Variants in ETFBKMT observed in about 807,000 individuals in gnomAD.
The protein encoded by ETFBKMT is electron transfer flavoprotein subunit beta lysine methyltransferase, also known as electron transfer flavoprotein beta subunit lysine methyltransferase.
Under a neutral mutation model 18.3 loss-of-function variants are expected in ETFBKMT, and 13 were observed. The ratio of observed to expected loss-of-function variants is 0.71; its 90% CI spans 0.46 to 1.13. ETFBKMT has a LOEUF of 1.13. Among genes scored for constraint, ETFBKMT ranks in the 50% most tolerant of loss-of-function variants. The pLI is 0.00. For missense variants in ETFBKMT, 293 were observed against 306.2 expected, an observed-to-expected ratio of 0.96 and a Z score of 0.32; for synonymous variants, 84 against 107.9, an observed-to-expected ratio of 0.78 and a Z score of 1.37.
At chr12:31,667,242 G>A (rs1206507841) in intron 3 of ETFBKMT, among the ~76,000 whole-genome samples, 4 of 152,258 alleles carry the variant, frequency 2.6e-5, no homozygotes, top group South Asian at 4.1e-4. Flanking sequence ...TGATCCACCC[G>A]CCTCGGCCTC....
At chr12:31,654,670 C>G (rs896717919), upstream of ETFBKMT, among the ~76,000 whole-genome samples, 1 of 151,998 alleles carries the variant, frequency 6.6e-6, no homozygotes, top group Non-Finnish European at 1.5e-5. Flanking sequence ...AGACAAAAAC[C>G]GTATAAACTC....
intron 1 of ETFBKMT, among the ~76,000 whole-genome samples, chr12:31,652,889 G>C (rs756855082): frequency 6.6e-6 from 1 of 152,206 alleles, no homozygotes; most frequent in Non-Finnish European, 1.5e-5. Context: ...CCAATGATAA[G>C]TATTTCCATC....
At chr12:31,651,631 C>T (rs577293263) in intron 1 of ETFBKMT, among the ~76,000 whole-genome samples, 6 of 152,176 alleles carry the variant, frequency 3.9e-5, no homozygotes, top group Non-Finnish European at 7.4e-5. Flanking sequence ...CGCGCCCGGC[C>T]GATGCCTTCC....
At position 31,668,789 on chromosome 12, in the gene ETFBKMT, G is replaced by C. The variant is rs1951230877; in HGVS notation, c.*799G>C. On this transcript the variant is annotated 3_prime_UTR_variant, in exon 4 of 4. Coordinates refer to ENST00000357721, the MANE Select transcript of ETFBKMT (RefSeq NM_001135863.2). ...ATTACAGGTGTGAGCCACCACGCCA[G>C]CCTGACGATGTTTTTTACTTCTATC... 1 of 152,206 alleles carries C rather than the reference G, an allele frequency of 6.6e-6. No homozygotes were observed. Among genetic ancestry groups the C allele is most frequent in the Non-Finnish European group, 1.5e-5 (1 of 68,048 alleles). 9.4% of individuals were successfully genotyped at this position (152,206 alleles called of 1,614,324 possible).
Position 31,669,688 on chromosome 12 carries a change from A to G in ETFBKMT, c.*1698A>G, listed in dbSNP as rs1392267461. On this transcript the variant is annotated 3_prime_UTR_variant, in exon 4 of 4. Coordinates refer to ENST00000357721, the MANE Select transcript of ETFBKMT (RefSeq NM_001135863.2). ...CCTGGAGTTTGTTTGTTTTAATTTAACAAAGTTTAATTGAGCAAAGAACAA... is the reference window on the plus strand; with the variant it reads ...CCTGGAGTTTGTTTGTTTTAATTTAGCAAAGTTTAATTGAGCAAAGAACAA... 6.6e-6 allele frequency: 1 copy of G among 152,220 alleles called. No individual in the cohort carries two copies. The highest frequency in any genetic ancestry group is 1.5e-5 in the Non-Finnish European group (1 of 68,052). 9.4% of individuals were successfully genotyped at this position (152,220 alleles called of 1,614,324 possible).
intron 2 of ETFBKMT, 57 bp from the exon 3 acceptor site, chr12:31,666,030 T>G (rs1951189823): frequency 1.6e-5 from 25 of 1,520,016 alleles, no homozygotes; most frequent in Non-Finnish European, 2.0e-5. Context: ...GGGGGGCCTG[T>G]TCCCAACATT....
chr12:31,654,976 AACCC>A (rs1408525097), upstream of ETFBKMT, among the ~76,000 whole-genome samples: 1 of 151,956 alleles, frequency 6.6e-6, no homozygotes, highest in Admixed American at 6.6e-5. Flanking sequence ...GAATTGCTTG[AACCC>A]GGGAGGAGAA....
upstream of ETFBKMT, among the ~76,000 whole-genome samples, chr12:31,658,495 T>C (rs554535914): frequency 2.9e-4 from 44 of 152,208 alleles, no homozygotes; most frequent in Non-Finnish European, 6.3e-4. Context: ...TTCCTTTCCT[T>C]GTAGTAGTTC....
chr12:31,667,647 T>C lies in ETFBKMT; in HGVS notation c.446T>C (p.Ile149Thr). 6.3e-7 allele frequency: 1 copy of C among 1,583,244 alleles called. No homozygotes were observed. The highest frequency in any genetic ancestry group is 1.4e-5 in the African/African-American group (1 of 73,224). Reference protein sequence around the residue: ...SRILANDIDPIAGMAITLNCE... With the variant: ...SRILANDIDPTAGMAITLNCE... ...ATTTTGTGCTTTTTTTTTTTTTAAGTTGCAGGAATGGCTATTACACTAAAT... is the reference window on the plus strand; with the variant it reads ...ATTTTGTGCTTTTTTTTTTTTTAAGCTGCAGGAATGGCTATTACACTAAAT... The change falls in exon 4 of 4, where the codon ATT (isoleucine) becomes ACT (threonine). Residue 149 changes from isoleucine (I) to threonine (T), a missense_variant and splice_region_variant. Coordinates refer to ENST00000357721, the MANE Select transcript of ETFBKMT (RefSeq NM_001135863.2).
intron 2 of ETFBKMT, among the ~76,000 whole-genome samples, chr12:31,663,713 T>C (rs1459095075): frequency 2.0e-5 from 3 of 152,236 alleles, no homozygotes; most frequent in African/African-American, 7.2e-5. Context: ...GCGAGTGGTA[T>C]CAGCCCCAGT....
chr12:31,647,525 A>G (rs557976903), intron 1 of ETFBKMT, among the ~76,000 whole-genome samples: 44 of 152,152 alleles, frequency 2.9e-4, no homozygotes, highest in Non-Finnish European at 5.4e-4. Flanking sequence ...CCTACATCCT[A>G]TGCTTATTTT....
chr12:31,656,621 G>T (rs984190283), upstream of ETFBKMT, among the ~76,000 whole-genome samples: 1 of 152,182 alleles, frequency 6.6e-6, no homozygotes, highest in Non-Finnish European at 1.5e-5. Context: ...ACGGTTAAAC[G>T]AGTGTATTTA....
At chr12:31,654,503 AAAAG>A (rs933840400), upstream of ETFBKMT, among the ~76,000 whole-genome samples, 28 of 152,372 alleles carry the variant, frequency 1.8e-4, no homozygotes, top group South Asian at 8.3e-4. Context: ...TTGTAATAGT[AAAAG>A]AAAGAAAGAA....
chr12:31,650,326 C>T (rs1951005524), intron 1 of ETFBKMT, among the ~76,000 whole-genome samples: 1 of 152,074 alleles, frequency 6.6e-6, no homozygotes. Context: ...AATGCTGTGG[C>T]AACATCAGGA....
chr12:31,667,490 A>G (rs1308663900), intron 3 of ETFBKMT, among the ~76,000 whole-genome samples, 157 bp from the exon 4 acceptor site: 4 of 152,244 alleles, frequency 2.6e-5, no homozygotes, highest in Non-Finnish European at 5.9e-5. Flanking sequence ...TATAGCTTAT[A>G]TTGGGATAAC....
chr12:31,657,553 G>A (rs936282026), upstream of ETFBKMT, among the ~76,000 whole-genome samples: 1 of 152,184 alleles, frequency 6.6e-6, no homozygotes, highest in East Asian at 1.9e-4. Context: ...CAACACTTTG[G>A]GAGGCCGAGG....
At chr12:31,665,621 C>G (rs1285385316) in intron 2 of ETFBKMT, among the ~76,000 whole-genome samples, 1 of 152,102 alleles carries the variant, frequency 6.6e-6, no homozygotes, top group East Asian at 1.9e-4. Flanking sequence ...AGTGGGAAAT[C>G]AGGCGTCTCA....
chr12:31,657,238 T>C (rs1188565962), upstream of ETFBKMT, among the ~76,000 whole-genome samples: 2 of 152,288 alleles, frequency 1.3e-5, no homozygotes, highest in East Asian at 3.9e-4. Flanking sequence ...GGGCAGGTAT[T>C]TAAAGTAAAA....
intron 3 of ETFBKMT, 79 bp from the exon 4 acceptor site, chr12:31,667,568 C>A: frequency 9.4e-7 from 1 of 1,067,644 alleles, no homozygotes; most frequent in Non-Finnish European, 1.3e-6. Flanking sequence ...GTTAGCAGAT[C>A]TTCTAAATTA....
Sources: allele counts gnomAD v4.1 joint callset (sites outside exome capture counted in the v4.1 genomes callset), GRCh38; gene constraint gnomAD v4.1.1; transcripts MANE v1.5; gene names NCBI Gene and HGNC (gene_info 2026-07-23, HGNC 2026-07-21).